Variants in KLRG1 observed in about 807,000 individuals in gnomAD.
KLRG1 encodes the protein killer cell lectin like receptor G1.
A neutral mutation model predicts 21.8 loss-of-function variants in KLRG1; 16 were observed. The ratio of observed to expected loss-of-function variants is 0.73; its 90% CI spans 0.50 to 1.11. KLRG1 has a LOEUF of 1.11. Among genes scored for constraint, KLRG1 ranks in the 50% most tolerant of loss-of-function variants. The pLI is 0.00. For synonymous variants in KLRG1, 69 were observed against 75.9 expected, an observed-to-expected ratio of 0.91 and a Z score of 0.47; for missense variants, 173 against 218.3, an observed-to-expected ratio of 0.79 and a Z score of 1.31.
the KLRG1 span, among the ~76,000 whole-genome samples, chr12:9,186,009 T>C: frequency 9.2e-5 from 14 of 151,992 alleles, no homozygotes; most frequent in Non-Finnish European, 8.8e-5. Context: ...GGTTTCACCA[T>C]GTTGGCCAGG....
the KLRG1 span, chr12:9,095,214 G>T: frequency 1.9e-6 from 1 of 538,172 alleles, no homozygotes; most frequent in Non-Finnish European, 3.2e-6. Context: ...CACATCTGTA[G>T]AAGGGATATT....
chr12:9,093,609 A>G, the KLRG1 span: 1 of 1,298,512 alleles, frequency 7.7e-7, no homozygotes, highest in Non-Finnish European at 1.1e-6. Context: ...AGACATTACA[A>G]TAAACATACA....
chr12:9,165,024 T>A, the KLRG1 span: 2 of 1,282,060 alleles, frequency 1.6e-6, no homozygotes, highest in Non-Finnish European at 2.2e-6. Flanking sequence ...TTATTCACAG[T>A]GCTAACACAC....
chr12:9,110,635 A>G, the KLRG1 span, among the ~76,000 whole-genome samples: 128,426 of 151,406 alleles, frequency 0.85, 54,881 homozygotes, highest in Non-Finnish European at 0.88. Context: ...AATCATTATC[A>G]TGCACTGCAT....
At chr12:9,095,983 T>C in the KLRG1 span, among the ~76,000 whole-genome samples, 2 of 151,580 alleles carry the variant, frequency 1.3e-5, no homozygotes, top group Non-Finnish European at 2.9e-5. Flanking sequence ...ATGGTCTCGA[T>C]CTCCTGACCT....
At chr12:8,959,108 A>C (rs1417254010) in intron 1 of KLRG1, among the ~76,000 whole-genome samples, 3 of 152,226 alleles carry the variant, frequency 2.0e-5, no homozygotes, top group African/African-American at 7.2e-5. Flanking sequence ...TTTAGTTTAC[A>C]GTTAAAACCA....
chr12:8,953,116 G>A (rs960984290), intron 1 of KLRG1, among the ~76,000 whole-genome samples: 3 of 151,094 alleles, frequency 2.0e-5, no homozygotes, highest in East Asian at 1.9e-4. Context: ...ATCTGCATTC[G>A]GTGGTTCCTG....
chr12:9,028,384 A>G, the KLRG1 span, among the ~76,000 whole-genome samples: 3 of 151,234 alleles, frequency 2.0e-5, no homozygotes, highest in East Asian at 5.8e-4. Flanking sequence ...TTCTGACCTC[A>G]GGTGATCCAC....
At chr12:9,064,373 G>A in the KLRG1 span, 5 of 153,646 alleles carry the variant, frequency 3.3e-5, no homozygotes, top group African/African-American at 1.2e-4. The surrounding 1 kb of genome is among the most constrained non-coding windows in gnomAD (Gnocchi z 4.0). Flanking sequence ...GAGCAGCTGC[G>A]GGAGCCGCAG....
the KLRG1 span, among the ~76,000 whole-genome samples, chr12:9,152,562 T>A: frequency 6.6e-6 from 1 of 152,188 alleles, no homozygotes; most frequent in Non-Finnish European, 1.5e-5. Context: ...TGGTAGTGAA[T>A]CTTGCTAATT....
chr12:9,167,013 A>T, the KLRG1 span: 5 of 152,210 alleles, frequency 3.3e-5, no homozygotes, highest in African/African-American at 1.2e-4. Context: ...ATTTCACCCT[A>T]ACAGTTTTCT....
the KLRG1 span, among the ~76,000 whole-genome samples, chr12:9,139,336 G>C: frequency 6.6e-6 from 1 of 152,092 alleles, no homozygotes; most frequent in African/African-American, 2.4e-5. Flanking sequence ...CTTATTTTGT[G>C]ACTTAATATG....
the KLRG1 span, among the ~76,000 whole-genome samples, chr12:9,183,082 T>G: frequency 6.6e-6 from 1 of 152,250 alleles, no homozygotes; most frequent in Admixed American, 6.5e-5. Context: ...ACAATTAGAA[T>G]TGTAGAAGAA....
At chr12:9,211,588 A>G in the KLRG1 span, among the ~76,000 whole-genome samples, 1 of 152,064 alleles carries the variant, frequency 6.6e-6, no homozygotes, top group Non-Finnish European at 1.5e-5. Context: ...AAATTTGTAG[A>G]TCTCCATTTG....
chr12:9,082,928 T>C, the KLRG1 span, among the ~76,000 whole-genome samples: 4 of 152,244 alleles, frequency 2.6e-5, no homozygotes, highest in Admixed American at 2.6e-4. Context: ...CCTTTGGGTA[T>C]ATACCCAGTA....
the KLRG1 span, among the ~76,000 whole-genome samples, chr12:9,020,608 T>G: frequency 6.6e-6 from 1 of 152,236 alleles, no homozygotes; most frequent in Non-Finnish European, 1.5e-5. Context: ...TTTACTCTTT[T>G]TTATTGCTAA....
Position 9,009,972 on chromosome 12 carries a change from C to A in KLRG1, c.*435C>A. 3 of 1,532,008 alleles carry A rather than the reference C, an allele frequency of 2.0e-6. No homozygotes were observed. Among genetic ancestry groups the A allele is most frequent in the Non-Finnish European group, 2.6e-6 (3 of 1,143,930 alleles). The allele number at this position is 1,532,008 out of a possible 1,614,324, so 94.9% of individuals were successfully genotyped here. ...TGTACTCCTCTGTACATTACTGATC[C>A]CTGATGGTATATTTCTATCCTAACA... On this transcript the variant is annotated 3_prime_UTR_variant, in exon 5 of 5. Transcript: ENST00000356986.
the KLRG1 span, among the ~76,000 whole-genome samples, chr12:9,158,223 G>T: frequency 2.0e-5 from 3 of 152,188 alleles, no homozygotes; most frequent in African/African-American, 7.2e-5. Context: ...CCAAAGTGCT[G>T]TGATTCTACG....
the KLRG1 span, among the ~76,000 whole-genome samples, chr12:9,108,416 A>G: frequency 5.4e-4 from 82 of 152,216 alleles, no homozygotes; most frequent in Non-Finnish European, 9.0e-4. Flanking sequence ...GTGAGCCACC[A>G]CGCCGGGCCT....
Sources: gnomAD v4.1 joint callset for allele counts (sites outside exome capture counted in the v4.1 genomes callset) on GRCh38, gnomAD v4.1.1 for gene constraint, Gnocchi (gnomAD v3.1) non-coding constraint, MANE v1.5 for transcripts, NCBI Gene and HGNC (gene_info 2026-07-23, HGNC 2026-07-21) for gene names.